Variants in OR51B5 observed in about 807,000 individuals in gnomAD.
OR51B5 encodes the protein olfactory receptor family 51 subfamily B member 5.
For synonymous variants in OR51B5, 186 were observed against 144.8 expected (o/e 1.28, Z -2.04); for missense variants, 456 against 374.6 (o/e 1.22, Z -1.79).
At chr11:5,438,850 C>T (rs559201979) in intron 1 of OR51B5, among the ~76,000 whole-genome samples, 1 of 152,144 alleles carries the variant, frequency 6.6e-6, no homozygotes, top group East Asian at 1.9e-4. Context: ...AACAATGGAG[C>T]AAAGCAGAGA....
At chr11:5,403,206 A>G (rs1426462198) in intron 1 of OR51B5, 2 of 471,188 alleles carry the variant, frequency 4.2e-6, no homozygotes, top group Non-Finnish European at 8.8e-6. Flanking sequence ...TGGGATTTTC[A>G]TTGTTACCTC....
intron 1 of OR51B5, among the ~76,000 whole-genome samples, chr11:5,452,087 G>A (rs985335404): frequency 3.3e-5 from 5 of 152,222 alleles, no homozygotes; most frequent in African/African-American, 9.6e-5. Context: ...CAAGCATGTA[G>A]ATAGAAGTGT....
chr11:5,382,618 G>A (rs1364005422), intron 1 of OR51B5, among the ~76,000 whole-genome samples: 1 of 152,160 alleles, frequency 6.6e-6, no homozygotes, highest in East Asian at 1.9e-4. Context: ...TTTTCTGGTA[G>A]TGGTGCCCTC....
At chr11:5,404,611 A>G (rs1056511464) in intron 1 of OR51B5, among the ~76,000 whole-genome samples, 2 of 152,322 alleles carry the variant, frequency 1.3e-5, no homozygotes, top group South Asian at 2.1e-4. Flanking sequence ...TGCCCAAGCC[A>G]GCAGCGGCAA....
intron 1 of OR51B5, among the ~76,000 whole-genome samples, chr11:5,411,878 T>G (rs1850153732): frequency 6.6e-6 from 1 of 152,184 alleles, no homozygotes; most frequent in Admixed American, 6.5e-5. Context: ...TCCAGGAATG[T>G]GGTTGGCCTC....
intron 1 of OR51B5, among the ~76,000 whole-genome samples, chr11:5,371,349 A>G (rs897642102): frequency 1.3e-5 from 2 of 152,168 alleles, no homozygotes; most frequent in Non-Finnish European, 2.9e-5. Flanking sequence ...TGGCTCATAA[A>G]CATTTAATAG....
exon 1 of OR51B5, chr11:5,343,261 C>G: frequency 6.2e-7 from 1 of 1,613,436 alleles, no homozygotes; most frequent in Non-Finnish European, 8.5e-7. Context: ...TTCCAATCTC[C>G]CTGTGATCCA....
At chr11:5,429,409 A>G (rs1469744620) in intron 1 of OR51B5, among the ~76,000 whole-genome samples, 1 of 152,214 alleles carries the variant, frequency 6.6e-6, no homozygotes, top group African/African-American at 2.4e-5. Flanking sequence ...CAACCCTTGT[A>G]AGCTGGATGA....
At chr11:5,447,195 A>T (rs1850779636) in intron 1 of OR51B5, among the ~76,000 whole-genome samples, 1 of 152,208 alleles carries the variant, frequency 6.6e-6, no homozygotes, top group Middle Eastern at 3.2e-3. Flanking sequence ...TTTACCCTCA[A>T]GTCCACTCCT....
intron 1 of OR51B5, among the ~76,000 whole-genome samples, chr11:5,354,160 TTCTG>T (rs1849149965): frequency 6.7e-6 from 1 of 149,460 alleles, no homozygotes; most frequent in Non-Finnish European, 1.5e-5. Flanking sequence ...CTGCTAGTTC[TTCTG>T]TCTGTTACTG....
chr11:5,394,108 C>T (rs1158484969), intron 1 of OR51B5, among the ~76,000 whole-genome samples: 2 of 152,024 alleles, frequency 1.3e-5, no homozygotes, highest in Non-Finnish European at 2.9e-5. Flanking sequence ...TATAGATTCA[C>T]AGAAAAACTC....
chr11:5,405,284 A>G (rs1020762252), intron 1 of OR51B5, among the ~76,000 whole-genome samples: 4 of 152,186 alleles, frequency 2.6e-5, no homozygotes, highest in African/African-American at 9.6e-5. Context: ...TACAGTAAAC[A>G]TCTTGCTCAA....
In OR51B5 at chr11:5,485,338, A is replaced by C. The variant is rs754658393; in HGVS notation, n.84+20231T>G. ...AGAATTGAGGCAACGTTCAGAAGTT[A>C]TAATAGTGAGAGCTCTAGAAATAGA... On this transcript the variant is annotated intron_variant and non_coding_transcript_variant, in intron 1 of 4. Coordinates refer to the OR51B5 transcript ENST00000415970. Among the ~76,000 whole-genome samples, 53 of 152,236 alleles carry C rather than the reference A, an allele frequency of 3.5e-4. 1 individual carries two copies. Among genetic ancestry groups the C allele is most frequent in the Admixed American group, 1.8e-3 (28 of 15,282 alleles).
At chr11:5,442,302 A>C (rs1410529209) in intron 1 of OR51B5, among the ~76,000 whole-genome samples, 2 of 152,224 alleles carry the variant, frequency 1.3e-5, no homozygotes, top group African/African-American at 4.8e-5. Flanking sequence ...GAAAATTATT[A>C]CTTAACCATT....
intron 1 of OR51B5, among the ~76,000 whole-genome samples, chr11:5,393,437 T>C (rs1849826351): frequency 6.6e-6 from 1 of 152,144 alleles, no homozygotes; most frequent in African/African-American, 2.4e-5. Context: ...GCTATAAATA[T>C]TTGTATCAAA....
intron 1 of OR51B5, among the ~76,000 whole-genome samples, chr11:5,458,095 G>A (rs1428802614): frequency 6.6e-6 from 1 of 152,018 alleles, no homozygotes; most frequent in Non-Finnish European, 1.5e-5. Context: ...TATAGTTTTA[G>A]TTATAATATT....
At chr11:5,407,322 C>G (rs1850072808) in intron 1 of OR51B5, among the ~76,000 whole-genome samples, 1 of 152,190 alleles carries the variant, frequency 6.6e-6, no homozygotes, top group South Asian at 2.1e-4. Flanking sequence ...TTGACTTTTA[C>G]TAAGTCTTTT....
intron 1 of OR51B5, among the ~76,000 whole-genome samples, chr11:5,425,298 G>T (rs543884604): frequency 2.6e-5 from 4 of 152,308 alleles, no homozygotes; most frequent in African/African-American, 9.6e-5. Flanking sequence ...TAAATTTTGG[G>T]ATTATGTTGG....
intron 1 of OR51B5, among the ~76,000 whole-genome samples, chr11:5,356,668 T>C (rs962130092): frequency 2.4e-5 from 3 of 124,478 alleles, no homozygotes; most frequent in South Asian, 2.7e-4. Context: ...ACAAGGCACA[T>C]AATTGTCAGA....
Sources: allele counts gnomAD v4.1 joint callset (sites outside exome capture counted in the v4.1 genomes callset), GRCh38; gene constraint gnomAD v4.1.1; transcripts MANE v1.5; gene names NCBI Gene and HGNC (gene_info 2026-07-23, HGNC 2026-07-21).